The following XKRX variants were observed in gnomAD, a reference collection of about 807,000 sequenced individuals.
XKRX encodes XK-related protein 2.
XKRX carries 11 observed loss-of-function variants against 22.4 expected under a neutral mutation model. The ratio of observed to expected loss-of-function variants is 0.49; its 90% CI spans 0.31 to 0.81. The LOEUF (loss-of-function observed/expected upper bound fraction) is 0.81, where lower values mean the gene tolerates loss of function less well. XKRX is among the 40% of genes least tolerant of loss of function. The pLI is 0.05. For missense variants in XKRX, 320 were observed against 336.5 expected, an observed-to-expected ratio of 0.95 and a Z score of 0.38; for synonymous variants, 114 against 132.2, an observed-to-expected ratio of 0.86 and a Z score of 0.94.
the XKRX span, among the ~76,000 whole-genome samples, chrX:100,893,491 T>C: frequency 3.6e-5 from 4 of 111,786 alleles, no homozygotes; most frequent in Non-Finnish European, 7.5e-5. Context: ...GAAATCATTG[T>C]ATAAAAAAGA....
the XKRX span, among the ~76,000 whole-genome samples, chrX:100,943,777 G>T: frequency 1.8e-5 from 2 of 111,899 alleles, no homozygotes; most frequent in African/African-American, 6.5e-5. Flanking sequence ...CATTTTAACT[G>T]CTGCATGGAA....
the XKRX span, among the ~76,000 whole-genome samples, chrX:100,902,837 G>A: frequency 3.7e-5 from 4 of 108,503 alleles, no homozygotes; most frequent in Non-Finnish European, 7.6e-5. Context: ...TGCAAGCTCC[G>A]CCTCCAGGGT....
chrX:100,910,151 G>A (rs2085402207), downstream of XKRX, among the ~76,000 whole-genome samples: 1 of 110,761 alleles, frequency 9.0e-6, no homozygotes, highest in South Asian at 3.8e-4. Context: ...GAGAATAGCT[G>A]TTGTTACAAT....
chrX:100,955,674 AAAAT>A, the XKRX span, among the ~76,000 whole-genome samples: 1 of 111,534 alleles, frequency 9.0e-6, no homozygotes, highest in South Asian at 3.8e-4. Context: ...CTCTGTCTCA[AAAAT>A]AAATAAATAA....
chrX:100,904,690 G>A, the XKRX span, among the ~76,000 whole-genome samples: 1 of 111,929 alleles, frequency 8.9e-6, no homozygotes, highest in East Asian at 2.8e-4. Context: ...AGACAAGGAA[G>A]CTTGTCCAGC....
the XKRX span, among the ~76,000 whole-genome samples, chrX:100,943,651 G>T: frequency 8.9e-6 from 1 of 111,911 alleles, no homozygotes; most frequent in Non-Finnish European, 1.9e-5. Flanking sequence ...TGATCCGCCC[G>T]CCTTGGCCTC....
chrX:100,917,966 G>A (rs2147939778), intron 2 of XKRX, among the ~76,000 whole-genome samples: 1 of 111,501 alleles, frequency 9.0e-6, no homozygotes, highest in East Asian at 2.8e-4. Flanking sequence ...AAAGAGCCAG[G>A]ATGCTCCCTA....
intron 2 of XKRX, among the ~76,000 whole-genome samples, chrX:100,916,575 G>A (rs2085437118): frequency 8.9e-6 from 1 of 112,076 alleles, no homozygotes; most frequent in South Asian, 3.7e-4. Context: ...CATAGAGAAC[G>A]CTCTTGCTAA....
chrX:100,897,601 G>A, the XKRX span, among the ~76,000 whole-genome samples: 2,492 of 35,514 alleles, frequency 0.07, 126 homozygotes, highest in East Asian at 0.16. Flanking sequence ...ATATGTGTGT[G>A]TGTGTGTGTG....
At chrX:100,933,031 T>C (rs2085525613), upstream of XKRX, among the ~76,000 whole-genome samples, 1 of 109,596 alleles carries the variant, frequency 9.1e-6, no homozygotes. Flanking sequence ...TAGCTGGGCA[T>C]GGTGACACAC....
intron 2 of XKRX, among the ~76,000 whole-genome samples, chrX:100,916,078 CA>C (rs1417617771): frequency 1.8e-4 from 2 of 11,401 alleles, no homozygotes; most frequent in Non-Finnish European, 4.0e-4. Context: ...TAAGTTTTAC[CA>C]CACACACACA....
the XKRX span, among the ~76,000 whole-genome samples, chrX:100,898,594 C>CAAA: frequency 2.0e-3 from 175 of 85,697 alleles, no homozygotes; most frequent in African/African-American, 6.8e-3. Context: ...TAAACAACAA[C>CAAA]AACAAAAAAA....
At chrX:100,918,517 C>T (rs2147939987) in intron 2 of XKRX, among the ~76,000 whole-genome samples, 1 of 111,902 alleles carries the variant, frequency 8.9e-6, no homozygotes, top group African/African-American at 3.2e-5. Context: ...CAATCTGTGT[C>T]CCTACAAATA....
chrX:100,912,054 T>C (rs985756981), downstream of XKRX, among the ~76,000 whole-genome samples: 1 of 111,792 alleles, frequency 8.9e-6, no homozygotes, highest in African/African-American at 3.3e-5. Flanking sequence ...TATGTTTCCA[T>C]AGCACCCACT....
the XKRX span, among the ~76,000 whole-genome samples, chrX:100,895,276 C>A: frequency 4.8e-3 from 540 of 111,583 alleles, 2 homozygotes; most frequent in African/African-American, 0.016. Flanking sequence ...CTTTTCTGCA[C>A]CCAGAAAGAA....
the XKRX span, among the ~76,000 whole-genome samples, chrX:100,892,857 T>C: frequency 2.4e-4 from 27 of 112,788 alleles, no homozygotes; most frequent in African/African-American, 8.7e-4. Flanking sequence ...AATCAATACG[T>C]TGAAGGCATA....
the XKRX span, among the ~76,000 whole-genome samples, chrX:100,893,830 G>A: frequency 8.9e-6 from 1 of 111,796 alleles, no homozygotes. Flanking sequence ...GAGTGGGAGA[G>A]GAGGAAGGGG....
intron 2 of XKRX, among the ~76,000 whole-genome samples, chrX:100,918,276 T>C (rs1488212222): frequency 9.0e-6 from 1 of 111,172 alleles, no homozygotes; most frequent in Non-Finnish European, 1.9e-5. Flanking sequence ...TTAAGTAGAG[T>C]GTTGGAATCT....
At chrX:100,896,927 A>C in the XKRX span, among the ~76,000 whole-genome samples, 1 of 112,047 alleles carries the variant, frequency 8.9e-6, no homozygotes, top group Non-Finnish European at 1.9e-5. Flanking sequence ...AATGAACTTC[A>C]CTGTTTATCA....
Sources: gnomAD v4.1 joint callset for allele counts (sites outside exome capture counted in the v4.1 genomes callset) on GRCh38, gnomAD v4.1.1 for gene constraint, MANE v1.5 for transcripts, NCBI Gene and HGNC (gene_info 2026-07-23, HGNC 2026-07-21) for gene names.